Variants in TMEM232 observed in about 807,000 individuals in gnomAD.
TMEM232 encodes transmembrane protein 232.
In TMEM232, 80 loss-of-function variants were observed where a neutral mutation model predicts 78.8. The ratio of observed to expected loss-of-function variants is 1.01; its 90% CI spans 0.85 to 1.22. The LOEUF is 1.22. Among genes scored for constraint, TMEM232 ranks in the 50% most tolerant of loss-of-function variants. The probability of loss-of-function intolerance (pLI) is 0.00; values close to 1 mark genes in which losing one functional copy is unlikely to be tolerated. For synonymous variants in TMEM232, 297 were observed against 254.3 expected, an observed-to-expected ratio of 1.17 and a Z score of -1.60; for missense variants, 881 against 742.2, an observed-to-expected ratio of 1.19 and a Z score of -2.17.
At chr5:110,485,127 T>A (rs192413350) in intron 12 of TMEM232, among the ~76,000 whole-genome samples, 6 of 151,730 alleles carry the variant, frequency 4.0e-5, no homozygotes, top group African/African-American at 1.2e-4. Context: ...GGAATCCTAC[T>A]ACCCAGAAGA....
At chr5:110,704,481 C>G (rs1432739852) in intron 1 of TMEM232, among the ~76,000 whole-genome samples, 1 of 152,036 alleles carries the variant, frequency 6.6e-6, no homozygotes, top group Non-Finnish European at 1.5e-5. Flanking sequence ...CAGGTCTGTA[C>G]TCATGTCAAT....
intron 2 of TMEM232, among the ~76,000 whole-genome samples, chr5:110,647,651 C>T (rs549446667): frequency 4.6e-5 from 7 of 151,956 alleles, no homozygotes; most frequent in African/African-American, 1.7e-4. Flanking sequence ...CAGATTATAG[C>T]AGTCAGCTCC....
intron 1 of TMEM232, among the ~76,000 whole-genome samples, chr5:110,681,664 T>C (rs2431647): frequency 6.6e-6 from 1 of 152,100 alleles, no homozygotes; most frequent in East Asian, 1.9e-4. Flanking sequence ...ATTTAAATGG[T>C]TGAGAACCAT....
chr5:110,714,642 G>T (rs1368109763), intron 1 of TMEM232, among the ~76,000 whole-genome samples: 1 of 152,008 alleles, frequency 6.6e-6, no homozygotes, highest in Non-Finnish European at 1.5e-5. Flanking sequence ...TAGAAATAAA[G>T]AATTATTTTT....
chr5:110,390,033 C>G (rs1755123992), intron 4 of TMEM232, among the ~76,000 whole-genome samples: 1 of 152,134 alleles, frequency 6.6e-6, no homozygotes, highest in African/African-American at 2.4e-5. Context: ...GGACTGAATT[C>G]TGCAGAATTT....
At chr5:110,443,737 G>T (rs142053678) in intron 12 of TMEM232, among the ~76,000 whole-genome samples, 3 of 152,128 alleles carry the variant, frequency 2.0e-5, no homozygotes, top group Admixed American at 6.5e-5. Flanking sequence ...AACAGCCTAC[G>T]GCGTACTACC....
At chr5:110,640,183 G>A (rs1786470533) in intron 4 of TMEM232, among the ~76,000 whole-genome samples, 1 of 152,146 alleles carries the variant, frequency 6.6e-6, no homozygotes, top group Non-Finnish European at 1.5e-5. Context: ...GGCTGTGGAT[G>A]GCACTGTGAT....
chr5:110,401,456 G>A (rs1297827396), intron 2 of TMEM232, among the ~76,000 whole-genome samples: 3 of 151,960 alleles, frequency 2.0e-5, no homozygotes, highest in Admixed American at 6.6e-5. Context: ...ATACCCTCCT[G>A]AGCTACTGGC....
chr5:110,589,270 A>T (rs1307521989), intron 10 of TMEM232, among the ~76,000 whole-genome samples: 1 of 152,138 alleles, frequency 6.6e-6, no homozygotes, highest in Non-Finnish European at 1.5e-5. Flanking sequence ...CTCAATCTAT[A>T]ACATGGGAAG....
intron 11 of TMEM232, among the ~76,000 whole-genome samples, chr5:110,567,399 A>G (rs893951026): frequency 3.3e-5 from 5 of 151,896 alleles, no homozygotes; most frequent in African/African-American, 1.2e-4. Flanking sequence ...TGTTAATTCA[A>G]CCTATATTTA....
At chr5:110,615,677 C>T (rs952446868) in intron 8 of TMEM232, among the ~76,000 whole-genome samples, 6 of 151,758 alleles carry the variant, frequency 4.0e-5, no homozygotes, top group Admixed American at 6.6e-5. Flanking sequence ...TAAACAGGAA[C>T]GGAAACAATA....
intron 5 of TMEM232, among the ~76,000 whole-genome samples, chr5:110,635,586 G>A (rs2149992185): frequency 6.6e-6 from 1 of 152,094 alleles, no homozygotes; most frequent in East Asian, 1.9e-4. Context: ...AAAACCGTAT[G>A]ATCATCTCAG....
chr5:110,584,200 C>G (rs1778533109), intron 10 of TMEM232, among the ~76,000 whole-genome samples: 1 of 151,656 alleles, frequency 6.6e-6, no homozygotes, highest in Non-Finnish European at 1.5e-5. Flanking sequence ...TTAGCATTAC[C>G]ATATTCATTG....
At chr5:110,650,831 TA>T (rs199788879) in intron 2 of TMEM232, among the ~76,000 whole-genome samples, 1,783 of 152,252 alleles carry the variant, frequency 0.012, 46 homozygotes, top group African/African-American at 0.04. Flanking sequence ...AATAGTCATG[TA>T]TTAACATGGT....
intron 12 of TMEM232, among the ~76,000 whole-genome samples, chr5:110,472,050 A>C (rs917869298): frequency 4.6e-5 from 7 of 152,042 alleles, no homozygotes; most frequent in Non-Finnish European, 1.0e-4. Flanking sequence ...TTTTAGCCAG[A>C]ACAGTTAGAC....
At chr5:110,653,757 T>A (rs1788649085) in intron 2 of TMEM232, among the ~76,000 whole-genome samples, 1 of 152,102 alleles carries the variant, frequency 6.6e-6, no homozygotes, top group African/African-American at 2.4e-5. Flanking sequence ...ACGGGAGGAA[T>A]CTGAGCAGAT....
Position 110,493,378 on chromosome 5 carries a change from C to T in TMEM232, c.1703+35210G>A, listed in dbSNP as rs1261391216. Among the ~76,000 whole-genome samples, 3 of 128,946 alleles carry T rather than the reference C, an allele frequency of 2.3e-5. 1 individual carries two copies. Among genetic ancestry groups the T allele is most frequent in the South Asian group, 4.7e-4 (2 of 4,222 alleles). The allele number at this position is 128,946 out of a possible 152,430, so 84.6% of individuals were successfully genotyped here. On this transcript the variant is annotated intron_variant, in intron 12 of 13. Transcript: ENST00000455884. The stretch of plus-strand genomic sequence containing the variant: ...AGATTACACGGGTCAATAGCCAAGA[C>T]ATTGAAAAAAAAAAAAAGTAAAATT...
Position 110,613,838 on chromosome 5 carries a change from G to T in TMEM232, c.902+4591C>A, listed in dbSNP as rs1021084474. Among the ~76,000 whole-genome samples the T allele has an allele frequency of 2.0e-5, 3 of 151,958 alleles. No homozygotes were observed. In the South Asian group the frequency reaches 6.2e-4, roughly 32 times the overall value. Reference sequence around the variant, plus strand: ...TGTTTATCTGGAGTTATGGCCTCTTGAAACCTATACAGGCCTTTATATAAA... The same window carrying T: ...TGTTTATCTGGAGTTATGGCCTCTTTAAACCTATACAGGCCTTTATATAAA... On this transcript the variant is annotated intron_variant, in intron 8 of 13. Transcript: ENST00000455884.
In TMEM232 at chr5:110,670,360, C is replaced by A. The variant is rs544846317; in HGVS notation, c.-12-2996G>T. 2.0e-5 allele frequency among the ~76,000 whole-genome samples: 3 copies of A among 152,294 alleles called. No homozygotes were observed. In the South Asian group the frequency reaches 6.2e-4, roughly 32 times the overall value. On this transcript the variant is annotated intron_variant, in intron 1 of 13. Transcript: ENST00000455884. Reference sequence around the variant, plus strand: ...ATAACAGACAAACAGAGAGCCAAATCATGAGTGAACTCCCATTCACAATTG... The same window carrying A: ...ATAACAGACAAACAGAGAGCCAAATAATGAGTGAACTCCCATTCACAATTG...
Sources: allele counts gnomAD v4.1 joint callset (sites outside exome capture counted in the v4.1 genomes callset), GRCh38; gene constraint gnomAD v4.1.1; transcripts MANE v1.5; gene names NCBI Gene and HGNC (gene_info 2026-07-23, HGNC 2026-07-21).